Variants in MRPL22 observed in about 807,000 individuals in gnomAD.
The protein encoded by MRPL22 is mitochondrial ribosomal protein L22, also known as large ribosomal subunit protein uL22m.
Under a neutral mutation model 32.4 loss-of-function variants are expected in MRPL22, and 27 were observed. The ratio of observed to expected loss-of-function variants is 0.83; its 90% CI spans 0.61 to 1.15. The LOEUF is 1.15. Ranked by LOEUF, MRPL22 falls within the 50% of genes most tolerant of loss-of-function variation. The probability of loss-of-function intolerance (pLI) is 0.00; values close to 1 mark genes in which losing one functional copy is unlikely to be tolerated. For missense variants in MRPL22, 239 were observed against 260.2 expected, an observed-to-expected ratio of 0.92 and a Z score of 0.56; for synonymous variants, 86 against 87.3, an observed-to-expected ratio of 0.99 and a Z score of 0.08.
At chr5:154,952,279 C>G (rs566935901) in intron 3 of MRPL22, among the ~76,000 whole-genome samples, 1 of 152,058 alleles carries the variant, frequency 6.6e-6, no homozygotes, top group Non-Finnish European at 1.5e-5. Context: ...TGTTTAGTAT[C>G]TTTAGATACT....
At chr5:154,965,452 G>A (rs952603122) in intron 6 of MRPL22, among the ~76,000 whole-genome samples, 1 of 149,062 alleles carries the variant, frequency 6.7e-6, no homozygotes, top group African/African-American at 2.5e-5. Flanking sequence ...TTGAGATGGA[G>A]TCTTGCACTG....
chr5:154,942,123 A>AT (rs1334505639), intron 2 of MRPL22, among the ~76,000 whole-genome samples: 2 of 152,080 alleles, frequency 1.3e-5, no homozygotes, highest in East Asian at 1.9e-4. Context: ...TTATTTATTT[A>AT]TTTTTTTAGA....
chr5:154,945,417 G>C (rs1436954817), intron 2 of MRPL22, among the ~76,000 whole-genome samples: 1 of 152,168 alleles, frequency 6.6e-6, no homozygotes, highest in Non-Finnish European at 1.5e-5. Context: ...GGTCACTTTT[G>C]GGTTTGTTAA....
intron 6 of MRPL22, among the ~76,000 whole-genome samples, chr5:154,961,373 T>C (rs1764699539): frequency 6.6e-6 from 1 of 152,230 alleles, no homozygotes; most frequent in Non-Finnish European, 1.5e-5. Flanking sequence ...CAAGACCATT[T>C]GCTTAAAACC....
intron 3 of MRPL22, among the ~76,000 whole-genome samples, chr5:154,954,831 G>T (rs897578654): frequency 1.3e-5 from 2 of 151,986 alleles, no homozygotes; most frequent in Non-Finnish European, 2.9e-5. Flanking sequence ...TCGCTCTGTC[G>T]CCCAGGCTGG....
intron 3 of MRPL22, among the ~76,000 whole-genome samples, chr5:154,953,584 G>GT (rs1764594036): frequency 6.6e-6 from 1 of 150,426 alleles, no homozygotes; most frequent in South Asian, 2.1e-4. Flanking sequence ...CCCAACAACC[G>GT]TTTCTATATG....
chr5:154,956,804 G>A (rs1253336915), intron 4 of MRPL22: 3 of 331,754 alleles, frequency 9.0e-6, no homozygotes, highest in Non-Finnish European at 1.6e-5. Flanking sequence ...GACTGAAGCA[G>A]CAAATATACA....
At chr5:154,947,595 A>G (rs556124780) in intron 2 of MRPL22, among the ~76,000 whole-genome samples, 2 of 152,340 alleles carry the variant, frequency 1.3e-5, no homozygotes, top group East Asian at 1.9e-4. Context: ...GAATATGCCA[A>G]TATACAACCA....
At chr5:154,943,054 G>A (rs1764440724) in intron 2 of MRPL22, among the ~76,000 whole-genome samples, 1 of 152,092 alleles carries the variant, frequency 6.6e-6, no homozygotes. Context: ...ATGACCATAA[G>A]AAAACTAAGT....
chr5:154,944,359 T>G (rs1764460956), intron 2 of MRPL22, among the ~76,000 whole-genome samples: 1 of 152,136 alleles, frequency 6.6e-6, no homozygotes, highest in Admixed American at 6.6e-5. Context: ...CTCCCGAGTC[T>G]CTGGGATTAC....
At chr5:154,955,412 G>A (rs1056888011) in intron 3 of MRPL22, 1 of 152,046 alleles carries the variant, frequency 6.6e-6, no homozygotes, top group Non-Finnish European at 1.5e-5. Flanking sequence ...TTTTTTAAAT[G>A]GCAGTTTGGT....
In MRPL22 at chr5:154,957,358, C is replaced by T. The variant is rs1764644240; in HGVS notation, c.339+146C>T. The T allele has an allele frequency of 4.9e-6, 3 of 613,982 alleles. No individual in the cohort carries two copies. The South Asian group carries it at 7.5e-5, about 15-fold the overall frequency. 38.0% of individuals were successfully genotyped at this position (613,982 alleles called of 1,614,324 possible). ...CTTTATATAATACAGATTTAGGGTT[C>T]TCAGTTTATTAAATATGTGTATACT... On this transcript the variant is annotated intron_variant, in intron 5 of 6. Coordinates refer to ENST00000523037, the MANE Select transcript of MRPL22 (RefSeq NM_014180.4).
chr5:154,953,170 A>G (rs902941409), intron 3 of MRPL22, among the ~76,000 whole-genome samples: 1 of 152,022 alleles, frequency 6.6e-6, no homozygotes, highest in African/African-American at 2.4e-5. Context: ...CAGCTGGCCA[A>G]TATGGTGAAG....
intron 3 of MRPL22, chr5:154,956,165 A>G (rs1764626498): frequency 2.0e-6 from 1 of 507,064 alleles, no homozygotes; most frequent in Non-Finnish European, 3.4e-6. Flanking sequence ...CTCCCGTAGT[A>G]ATCTTTTAAC....
chr5:154,957,447 T>C (rs1015039146), intron 5 of MRPL22, among the ~76,000 whole-genome samples: 1 of 152,198 alleles, frequency 6.6e-6, no homozygotes, highest in African/African-American at 2.4e-5. Context: ...CAAATATTTA[T>C]CTGTTTTTTA....
chr5:154,956,542 G>A, intron 4 of MRPL22, 106 bp downstream of exon 4: 1 of 715,554 alleles, frequency 1.4e-6, no homozygotes, highest in Non-Finnish European at 2.4e-6. Context: ...AAAGATTTGT[G>A]AGGAATGTGA....
intron 2 of MRPL22, among the ~76,000 whole-genome samples, chr5:154,945,237 C>T (rs1764474365): frequency 6.6e-6 from 1 of 152,120 alleles, no homozygotes; most frequent in Non-Finnish European, 1.5e-5. Flanking sequence ...TGGTTGGATT[C>T]TGGCAGTATG....
chr5:154,957,914 C>CTTT lies in MRPL22; in HGVS notation c.339+720_339+722dup, dbSNP rs912216773. The stretch of plus-strand genomic sequence containing the variant: ...TTCTTTTTTTATTACATATATTTTT[C>CTTT]TTTTTTTTTTTTTTTTTTTTGAGAC... On this transcript the variant is annotated intron_variant, in intron 5 of 6. Coordinates refer to ENST00000523037, the MANE Select transcript of MRPL22 (RefSeq NM_014180.4). Among the ~76,000 whole-genome samples the CTTT allele has an allele frequency of 4.5e-3, 549 of 120,854 alleles. 11 individuals carry two copies. Among genetic ancestry groups the CTTT allele is most frequent in the African/African-American group, 0.015 (470 of 31,652 alleles). The allele number at this position is 120,854 out of a possible 152,430, so 79.3% of individuals were successfully genotyped here.
intron 3 of MRPL22, among the ~76,000 whole-genome samples, chr5:154,954,581 T>C (rs895705894): frequency 6.6e-6 from 1 of 152,174 alleles, no homozygotes; most frequent in South Asian, 2.1e-4. Context: ...CCCTTAGACA[T>C]TTCACCTGCC....
Sources: allele counts gnomAD v4.1 joint callset (sites outside exome capture counted in the v4.1 genomes callset), GRCh38; gene constraint gnomAD v4.1.1; transcripts MANE v1.5; gene names NCBI Gene and HGNC (gene_info 2026-07-23, HGNC 2026-07-21).